Variants in REDIC1 observed in about 807,000 individuals in gnomAD.
REDIC1 encodes the protein regulator of DNA class I crossover intermediates 1, also known as HEI10 Interacting Protein 1.
chr12:39,873,481 A>T, the REDIC1 span, among the ~76,000 whole-genome samples: 5 of 152,228 alleles, frequency 3.3e-5, no homozygotes, highest in Non-Finnish European at 7.4e-5. Flanking sequence ...ATAAATACCA[A>T]ATCTAAAAAG....
the REDIC1 span, among the ~76,000 whole-genome samples, chr12:39,884,313 T>C: frequency 2.6e-5 from 4 of 152,184 alleles, no homozygotes; most frequent in Non-Finnish European, 4.4e-5. Flanking sequence ...CGTGAAATTA[T>C]AATCACAAGG....
chr12:39,717,296 A>G, the REDIC1 span, among the ~76,000 whole-genome samples: 1 of 151,936 alleles, frequency 6.6e-6, no homozygotes, highest in African/African-American at 2.4e-5. Context: ...TGTTGCCAGA[A>G]TCCTTACTGA....
chr12:39,721,506 A>G, the REDIC1 span: 1 of 359,048 alleles, frequency 2.8e-6, no homozygotes, highest in Non-Finnish European at 5.0e-6. Flanking sequence ...ATATTTGTAA[A>G]TGTACTAGCG....
chr12:39,759,807 G>A, the REDIC1 span: 1 of 515,278 alleles, frequency 1.9e-6, no homozygotes, highest in South Asian at 2.7e-5. Context: ...AGAATTATTA[G>A]ATTAAAATCT....
At chr12:39,845,423 T>C in the REDIC1 span, among the ~76,000 whole-genome samples, 1 of 152,276 alleles carries the variant, frequency 6.6e-6, no homozygotes, top group Non-Finnish European at 1.5e-5. Context: ...TATCATATTA[T>C]AAGTGTTTCA....
At chr12:39,660,546 A>T in the REDIC1 span, among the ~76,000 whole-genome samples, 1 of 152,026 alleles carries the variant, frequency 6.6e-6, no homozygotes, top group Admixed American at 6.6e-5. Context: ...AATATTGTAC[A>T]TATTACTGGG....
At chr12:39,871,674 A>T in the REDIC1 span, 1 of 1,003,082 alleles carries the variant, frequency 1.0e-6, no homozygotes, top group Non-Finnish European at 1.4e-6. Context: ...AAGAACTCTA[A>T]TTTTTTTGTT....
At chr12:39,768,340 T>C in the REDIC1 span, among the ~76,000 whole-genome samples, 4 of 152,154 alleles carry the variant, frequency 2.6e-5, no homozygotes, top group Non-Finnish European at 4.4e-5. Flanking sequence ...CACTTTCTTA[T>C]CATTTGTGTG....
the REDIC1 span, among the ~76,000 whole-genome samples, chr12:39,743,285 T>A: frequency 6.6e-6 from 1 of 152,030 alleles, no homozygotes; most frequent in South Asian, 2.1e-4. Flanking sequence ...GAGAAAAAAC[T>A]GAGAAGCACT....
the REDIC1 span, among the ~76,000 whole-genome samples, chr12:39,657,988 T>C: frequency 6.6e-6 from 1 of 152,184 alleles, no homozygotes; most frequent in East Asian, 1.9e-4. Flanking sequence ...TTTACTAATA[T>C]AGGCATTTTA....
At chr12:39,723,062 C>T in the REDIC1 span, among the ~76,000 whole-genome samples, 1 of 152,116 alleles carries the variant, frequency 6.6e-6, no homozygotes, top group African/African-American at 2.4e-5. Context: ...CTCAGGTGAG[C>T]TTCCCTGGTT....
At chr12:39,716,465 G>A in the REDIC1 span, among the ~76,000 whole-genome samples, 1 of 151,782 alleles carries the variant, frequency 6.6e-6, no homozygotes, top group Non-Finnish European at 1.5e-5. Flanking sequence ...AAAATATAAT[G>A]CATATGTTGG....
At chr12:39,898,133 C>T in the REDIC1 span, among the ~76,000 whole-genome samples, 3 of 152,118 alleles carry the variant, frequency 2.0e-5, no homozygotes, top group Non-Finnish European at 4.4e-5. Flanking sequence ...GGTGAACATA[C>T]ATGTACAGCT....
chr12:39,729,616 T>C, the REDIC1 span, among the ~76,000 whole-genome samples: 1 of 152,238 alleles, frequency 6.6e-6, no homozygotes, highest in Non-Finnish European at 1.5e-5. Flanking sequence ...GATGTGGTGC[T>C]GAGAAGAATG....
At chr12:39,894,077 A>G in the REDIC1 span, among the ~76,000 whole-genome samples, 1 of 152,228 alleles carries the variant, frequency 6.6e-6, no homozygotes, top group African/African-American at 2.4e-5. Flanking sequence ...ACATTTTAAT[A>G]AATGTTTTTG....
chr12:39,803,527 A>C, the REDIC1 span, among the ~76,000 whole-genome samples: 3 of 152,308 alleles, frequency 2.0e-5, no homozygotes, highest in South Asian at 6.2e-4. Flanking sequence ...AAAGATATAA[A>C]ATGTAACTTC....
At chr12:39,771,822 T>TGTA in the REDIC1 span, among the ~76,000 whole-genome samples, 1 of 152,152 alleles carries the variant, frequency 6.6e-6, no homozygotes, top group Admixed American at 6.5e-5. Context: ...AAAATGTGGC[T>TGTA]GCAGCCTACC....
At chr12:39,815,788 A>AG in the REDIC1 span, among the ~76,000 whole-genome samples, 2 of 152,226 alleles carry the variant, frequency 1.3e-5, no homozygotes, top group Non-Finnish European at 1.5e-5. Context: ...TCTGGAAAAA[A>AG]CAAATAAATG....
chr12:39,901,102 T>TTAA, the REDIC1 span, among the ~76,000 whole-genome samples: 2 of 152,154 alleles, frequency 1.3e-5, no homozygotes, highest in Non-Finnish European at 2.9e-5. Flanking sequence ...GATTCCCTAT[T>TTAA]TAATAAATGG....
Sources: gnomAD v4.1 joint callset for allele counts (sites outside exome capture counted in the v4.1 genomes callset) on GRCh38, gnomAD v4.1.1 for gene constraint, MANE v1.5 for transcripts, NCBI Gene and HGNC (gene_info 2026-07-23, HGNC 2026-07-21) for gene names.